Variants in MSR1 observed in about 807,000 individuals in gnomAD.
MSR1 encodes the protein macrophage scavenger receptor types I and II.
MSR1 carries 53 observed loss-of-function variants against 47.2 expected under a neutral mutation model. The observed-to-expected ratio is 1.12, with a 90% CI of 0.90 to 1.41. MSR1 has a LOEUF of 1.41. MSR1 is among the 40% of genes most tolerant of loss of function. The pLI is 0.00. For missense variants in MSR1, 786 were observed against 546.9 expected, an observed-to-expected ratio of 1.44 and a Z score of -4.36; for synonymous variants, 239 against 185.6, an observed-to-expected ratio of 1.29 and a Z score of -2.34.
At chr8:16,166,164 C>CTTTTTTT (rs397892292) in intron 4 of MSR1, among the ~76,000 whole-genome samples, 4 of 71,294 alleles carry the variant, frequency 5.6e-5, no homozygotes, top group African/African-American at 1.1e-4. Flanking sequence ...CTTTTTCTTT[C>CTTTTTTT]TTTTTTTTTT....
intron 5 of MSR1, among the ~76,000 whole-genome samples, chr8:16,161,254 G>A (rs1460598189): frequency 6.6e-6 from 1 of 151,872 alleles, no homozygotes; most frequent in Non-Finnish European, 1.5e-5. Flanking sequence ...GTCAAAGACA[G>A]CTTCCAAGAT....
chr8:16,137,881 A>C (rs998114341), intron 8 of MSR1, among the ~76,000 whole-genome samples: 1 of 151,838 alleles, frequency 6.6e-6, no homozygotes, highest in East Asian at 1.9e-4. Context: ...AGTCCTAGCT[A>C]CTCAGGAGGC....
chr8:16,130,434 TTTTATC>T (rs1385320197), intron 8 of MSR1, among the ~76,000 whole-genome samples: 13 of 152,176 alleles, frequency 8.5e-5, no homozygotes, highest in African/African-American at 3.1e-4. Flanking sequence ...GAGCACTGTA[TTTTATC>T]TTTAAGTATA....
At chr8:16,167,315 GGGCAGATCACCTGA>G (rs1801341641) in intron 4 of MSR1, among the ~76,000 whole-genome samples, 1 of 152,086 alleles carries the variant, frequency 6.6e-6, no homozygotes, top group Admixed American at 6.6e-5. Flanking sequence ...AGGCCAAGAC[GGGCAGATCACCTGA>G]GGCCAGGAGT....
At chr8:16,134,744 T>C (rs1022791779) in intron 8 of MSR1, among the ~76,000 whole-genome samples, 4 of 152,134 alleles carry the variant, frequency 2.6e-5, no homozygotes, top group African/African-American at 9.7e-5. Context: ...GAAATTTACC[T>C]AAGTTGTAAA....
chr8:16,134,562 C>G (rs758982334), intron 8 of MSR1, among the ~76,000 whole-genome samples: 48 of 152,126 alleles, frequency 3.2e-4, no homozygotes, highest in Non-Finnish European at 5.9e-4. Flanking sequence ...TCAGGCATCC[C>G]TATTCCCTGA....
intron 8 of MSR1, chr8:16,120,846 A>G (rs1799988049): frequency 1.8e-6 from 1 of 545,530 alleles, no homozygotes; most frequent in African/African-American, 1.9e-5. Flanking sequence ...CTTACATGTA[A>G]GTTATATATA....
intron 3 of MSR1, among the ~76,000 whole-genome samples, chr8:16,171,551 G>A (rs1476945843): frequency 6.6e-6 from 1 of 151,870 alleles, no homozygotes; most frequent in African/African-American, 2.4e-5. Flanking sequence ...ACCAAGTTTT[G>A]GGTTGACAGC....
chr8:16,140,302 A>AG (rs1800520236), intron 8 of MSR1: 1 of 984,758 alleles, frequency 1.0e-6, no homozygotes, highest in African/African-American at 1.7e-5. Context: ...AAAAAAAAAA[A>AG]GCCCTTGACT....
At chr8:16,124,024 G>C (rs1337748316) in intron 8 of MSR1, among the ~76,000 whole-genome samples, 1 of 152,106 alleles carries the variant, frequency 6.6e-6, no homozygotes, top group Admixed American at 6.6e-5. Flanking sequence ...CTTGATGACA[G>C]TTACTGTCTC....
rs13306550 is a variant in MSR1, at chr8:16,168,455, T to C, written c.630+3A>G. Reference sequence around the variant, plus strand: ...AGTGACCTTGCAGTCCACAAACTCTTACCTCTTGTTGTTTGAAGGTATTCT... The same window carrying C: ...AGTGACCTTGCAGTCCACAAACTCTCACCTCTTGTTGTTTGAAGGTATTCT... On this transcript the variant is annotated splice_donor_region_variant and intron_variant, in intron 4 of 9. Coordinates refer to ENST00000262101, the MANE Select transcript of MSR1 (RefSeq NM_138715.3). 5,066 of 1,614,054 alleles carry C rather than the reference T, an allele frequency of 3.1e-3. 203 individuals are homozygous for C. In the East Asian group the frequency reaches 0.085, roughly 27 times the overall value.
intron 2 of MSR1, among the ~76,000 whole-genome samples, chr8:16,176,049 T>G (rs1304943156): frequency 5.9e-5 from 9 of 152,232 alleles, no homozygotes; most frequent in African/African-American, 2.2e-4. Flanking sequence ...CTCTGATTAG[T>G]TGAATACAAT....
chr8:16,187,304 A>G (rs916669067), intron 1 of MSR1, among the ~76,000 whole-genome samples: 7 of 143,582 alleles, frequency 4.9e-5, no homozygotes, highest in Middle Eastern at 3.3e-3. Flanking sequence ...CAGAGGTAGC[A>G]GTGAGCCAAG....
At chr8:16,137,960 C>T (rs990461142) in intron 8 of MSR1, among the ~76,000 whole-genome samples, 5 of 150,950 alleles carry the variant, frequency 3.3e-5, no homozygotes, top group Non-Finnish European at 5.9e-5. Flanking sequence ...CCACTGTAGT[C>T]CAACCTGTGC....
At chr8:16,163,189 A>C (rs1460675935) in intron 5 of MSR1, among the ~76,000 whole-genome samples, 1 of 152,024 alleles carries the variant, frequency 6.6e-6, no homozygotes, top group East Asian at 1.9e-4. Context: ...AATCTTAATC[A>C]ATCCAAAAGT....
intron 2 of MSR1, among the ~76,000 whole-genome samples, chr8:16,176,706 A>C (rs1472620168): frequency 2.0e-5 from 3 of 152,120 alleles, no homozygotes; most frequent in South Asian, 2.1e-4. Flanking sequence ...ATAGCTCTCA[A>C]ACATTTTGAT....
intron 1 of MSR1, among the ~76,000 whole-genome samples, chr8:16,178,950 T>C (rs1309357809): frequency 6.6e-6 from 1 of 152,158 alleles, no homozygotes; most frequent in African/African-American, 2.4e-5. Flanking sequence ...AAAACCATAA[T>C]TAGTTAAATT....
intron 6 of MSR1, among the ~76,000 whole-genome samples, chr8:16,151,711 T>C (rs1800865368): frequency 6.6e-6 from 1 of 152,142 alleles, no homozygotes; most frequent in African/African-American, 2.4e-5. Flanking sequence ...TCCATCATTT[T>C]AGAGACAGTT....
In MSR1 at chr8:16,168,631, T is replaced by C; in HGVS notation, c.457A>G (p.Asn153Asp). Residue 153 changes from asparagine to aspartate, a missense_variant, in exon 4 of 10, where the codon AAT becomes GAT. Transcript: ENST00000262101. ...GTACTTAGCTGCAGAAGAATGTCAT[T>C]AAATCTTTGATCAGTTGTCATGCTG... Reference protein sequence around the residue: ...NFSMTTDQRFNDILLQLSTLF... With the variant: ...NFSMTTDQRFDDILLQLSTLF... The C allele has an allele frequency of 6.2e-7, 1 of 1,614,132 alleles. No individual in the cohort carries two copies. Among genetic ancestry groups the C allele is most frequent in the East Asian group, 2.2e-5 (1 of 44,866 alleles).
Sources: allele counts gnomAD v4.1 joint callset (sites outside exome capture counted in the v4.1 genomes callset), GRCh38; gene constraint gnomAD v4.1.1; transcripts MANE v1.5; gene names NCBI Gene and HGNC (gene_info 2026-07-23, HGNC 2026-07-21).